ATP7A: variants seen among roughly 807,000 people sequenced by gnomAD.
ATP7A encodes copper-transporting ATPase 1.
In ATP7A, 7 loss-of-function variants were observed where a neutral mutation model predicts 83.5. The ratio of observed to expected loss-of-function variants is 0.08; its 90% CI spans 0.05 to 0.16. The LOEUF is 0.16. ATP7A is among the 10% of genes least tolerant of loss of function. The pLI is 1.00. For missense variants in ATP7A, 940 were observed against 1,120.8 expected, an observed-to-expected ratio of 0.84 and a Z score of 2.30; for synonymous variants, 354 against 395.2, an observed-to-expected ratio of 0.90 and a Z score of 1.24.
At chrX:77,932,198 G>C (rs1253022929) in intron 1 of ATP7A, among the ~76,000 whole-genome samples, 1 of 109,980 alleles carries the variant, frequency 9.1e-6, no homozygotes, top group Non-Finnish European at 1.9e-5. Flanking sequence ...TGGGGCGGCC[G>C]GGCAGAGACG....
intron 4 of ATP7A, among the ~76,000 whole-genome samples, chrX:77,998,137 A>T (rs2077716219): frequency 8.9e-6 from 1 of 112,014 alleles, no homozygotes; most frequent in South Asian, 3.7e-4. Context: ...CCAGTATGCC[A>T]ATCATCAACA....
At chrX:77,946,173 G>A (rs957287983) in intron 1 of ATP7A, among the ~76,000 whole-genome samples, 31 of 109,141 alleles carry the variant, frequency 2.8e-4, no homozygotes, top group African/African-American at 7.0e-4. Flanking sequence ...TTGGTGGCAC[G>A]TGTCTGTAAT....
At chrX:78,032,098 G>A (rs1439502618) in intron 16 of ATP7A, among the ~76,000 whole-genome samples, 1 of 112,134 alleles carries the variant, frequency 8.9e-6, no homozygotes, top group Non-Finnish European at 1.9e-5. Context: ...CCACATATAC[G>A]TATTTATCAT....
chrX:77,968,015 T>C (rs1406465986), intron 1 of ATP7A, among the ~76,000 whole-genome samples: 5 of 111,257 alleles, frequency 4.5e-5, no homozygotes, highest in African/African-American at 1.6e-4. Flanking sequence ...AGTACAGTTA[T>C]GCTCAGATGA....
In ATP7A at chrX:77,989,863, A is replaced by T; in HGVS notation, c.1241A>T (p.Asn414Ile). 8.3e-7 allele frequency: 1 copy of T among 1,210,560 alleles called. No individual in the cohort carries two copies. The highest frequency in any genetic ancestry group is 1.1e-6 in the Non-Finnish European group (1 of 894,613). Reference protein sequence around the residue: ...GVKSIRVSLANSNGTVEYDPL... With the variant: ...GVKSIRVSLAISNGTVEYDPL... The stretch of plus-strand genomic sequence containing the variant: ...AAATCCATACGAGTCTCCCTTGCAA[A>T]TAGCAATGGGACTGTTGAGTATGAT... Residue 414 changes from asparagine (N) to isoleucine (I), a missense_variant, in exon 4 of 23, where the codon AAT becomes ATT. By Grantham distance (149) the Asn-to-Ile change is moderately radical. Around this residue, in one of 3 missense-constraint regions of ATP7A, gnomAD observed 350 missense variants for 432.8 expected, o/e 0.81. Coordinates refer to ENST00000341514, the MANE Select transcript of ATP7A (RefSeq NM_000052.7).
At position 78,013,128 on chromosome X, in the gene ATP7A, G is replaced by T. The variant is rs1290671325; in HGVS notation, c.2406+16G>T. 1.7e-6 allele frequency: 2 copies of T among 1,174,803 alleles called. No homozygotes were observed. Among genetic ancestry groups the T allele is most frequent in the African/African-American group, 3.5e-5 (2 of 56,489 alleles). ...TATAGCAAAGGTAAAGTAAGAAAGG[G>T]TGACATTTGTTAAAATGTTGGGTGG... On this transcript the variant is annotated intron_variant, in intron 10 of 22. Coordinates refer to ENST00000341514, the MANE Select transcript of ATP7A (RefSeq NM_000052.7).
Position 77,989,691 on chromosome X carries a change from T to C in ATP7A, c.1069T>C (p.Ser357Pro), listed in dbSNP as rs782465028. ...AAGTGAAGTTGAGAGTACCTCAAAC[T>C]CTCCCTCCAGCTCATCTCTTCAGAA... ...ITSEVESTSN[S>P]PSSSSLQKIP... The change falls in exon 4 of 23, where the codon TCT becomes CCT. Residue 357 changes from serine to proline, a missense_variant. By Grantham distance (74) the Ser-to-Pro change is moderately conservative. Coordinates refer to ENST00000341514, the MANE Select transcript of ATP7A (RefSeq NM_000052.7). 2 of 1,211,469 alleles carry C rather than the reference T, an allele frequency of 1.7e-6. No individual in the cohort carries two copies. Among genetic ancestry groups the C allele is most frequent in the Admixed American group, 4.4e-5 (2 of 45,965 alleles).
chrX:78,004,548 C>T (rs1382524174), intron 6 of ATP7A, among the ~76,000 whole-genome samples: 2 of 104,324 alleles, frequency 1.9e-5, no homozygotes, highest in African/African-American at 7.1e-5. Context: ...CAGGAGTTCA[C>T]GACCAGCCCA....
At chrX:78,011,870 G>A (rs2077829104) in intron 9 of ATP7A, 196 bp downstream of exon 9, 1 of 478,909 alleles carries the variant, frequency 2.1e-6, no homozygotes. Flanking sequence ...CTAAGAAAGA[G>A]TTCAAGTTTT....
intron 12 of ATP7A, among the ~76,000 whole-genome samples, chrX:78,016,137 G>A (rs1557235130): frequency 9.0e-6 from 1 of 111,518 alleles, no homozygotes; most frequent in African/African-American, 3.3e-5. Context: ...TCACAGTTCT[G>A]CATGTCTGGG....
intron 1 of ATP7A, among the ~76,000 whole-genome samples, chrX:77,959,359 G>C (rs1284064477): frequency 9.0e-6 from 1 of 111,702 alleles, no homozygotes; most frequent in Non-Finnish European, 1.9e-5. Flanking sequence ...ACTTTCTTCT[G>C]AAACTTTTTT....
rs782817037 is a variant in ATP7A, at chrX:78,048,858, T to A, written c.*2288T>A. 3.6e-5 allele frequency: 4 copies of A among 110,729 alleles called. No individual in the cohort carries two copies. The Admixed American group carries it at 3.9e-4, about 11-fold the overall frequency. 9.1% of individuals were successfully genotyped at this position (110,729 alleles called of 1,213,427 possible). On this transcript the variant is annotated 3_prime_UTR_variant, in exon 23 of 23. Coordinates refer to ENST00000341514, the MANE Select transcript of ATP7A (RefSeq NM_000052.7). ...AAAAAGAAGCATGCCTCCTTCTCCC[T>A]CCCACCCACCTCAAGCAGTTGAACA...
intron 10 of ATP7A, among the ~76,000 whole-genome samples, chrX:78,013,981 G>A (rs1315356595): frequency 1.8e-5 from 2 of 110,926 alleles, no homozygotes; most frequent in Non-Finnish European, 1.9e-5. Flanking sequence ...TTTCATCATC[G>A]GATGTTTATA....
At chrX:77,959,679 A>G (rs2077464650) in intron 1 of ATP7A, among the ~76,000 whole-genome samples, 1 of 112,148 alleles carries the variant, frequency 8.9e-6, no homozygotes, top group African/African-American at 3.2e-5. Flanking sequence ...TAACTTCTAT[A>G]TTATGTTTCA....
intron 1 of ATP7A, among the ~76,000 whole-genome samples, chrX:77,938,295 C>T (rs1557225256): frequency 8.9e-6 from 1 of 112,358 alleles, no homozygotes; most frequent in Non-Finnish European, 1.9e-5. Flanking sequence ...AGCATAACAC[C>T]TACTTAAGTT....
chrX:77,948,158 G>T (rs1467873309), intron 1 of ATP7A, among the ~76,000 whole-genome samples: 1 of 106,157 alleles, frequency 9.4e-6, no homozygotes, highest in African/African-American at 3.5e-5. Context: ...ACGGAGTCTT[G>T]CTCTGTCACC....
chrX:78,032,382 T>C (rs1346310516), intron 16 of ATP7A, among the ~76,000 whole-genome samples: 1 of 111,972 alleles, frequency 8.9e-6, no homozygotes, highest in Non-Finnish European at 1.9e-5. Context: ...TTTTGATGAA[T>C]GCTACCAATA....
At chrX:78,007,331 C>CT (rs782585462) in intron 6 of ATP7A, among the ~76,000 whole-genome samples, 41 of 105,227 alleles carry the variant, frequency 3.9e-4, no homozygotes, top group East Asian at 1.5e-3. Context: ...GAATTTTTAC[C>CT]TTTTTTTTTT....
In ATP7A at chrX:78,044,154, G is replaced by T. The variant is rs187032152; in HGVS notation, c.4123+720G>T. Among the ~76,000 whole-genome samples the T allele has an allele frequency of 2.8e-5, 3 of 106,171 alleles. No individual in the cohort carries two copies. In the East Asian group the frequency reaches 9.1e-4, roughly 32 times the overall value. 92.2% of individuals were successfully genotyped at this position (106,171 alleles called of 115,157 possible). Reference sequence around the variant, plus strand: ...ATGTAATCCCAGCTACTCGGGAGACGGAGGCAGTAGACTCGCTTGAACCCA... The same window carrying T: ...ATGTAATCCCAGCTACTCGGGAGACTGAGGCAGTAGACTCGCTTGAACCCA... On this transcript the variant is annotated intron_variant, in intron 21 of 22. Transcript: ENST00000341514.
Sources: gnomAD v4.1 joint callset for allele counts (sites outside exome capture counted in the v4.1 genomes callset) on GRCh38, gnomAD v4.1.1 for gene constraint, gnomAD v4.1.1 regional missense constraint, MANE v1.5 for transcripts, NCBI Gene and HGNC (gene_info 2026-07-23, HGNC 2026-07-21) for gene names.